Variants in CFTR observed in about 807,000 individuals in gnomAD.
CFTR encodes cystic fibrosis transmembrane conductance regulator.
CFTR carries 181 observed loss-of-function variants against 171.6 expected under a neutral mutation model. That is an observed-to-expected ratio of 1.05 (90% CI 0.93 to 1.19). CFTR has a LOEUF of 1.19. CFTR is among the 50% of genes most tolerant of loss of function. The probability of loss-of-function intolerance (pLI) is 0.00; values close to 1 mark genes in which losing one functional copy is unlikely to be tolerated. For missense variants in CFTR, 1,968 were observed against 1,734.7 expected (o/e 1.13, Z -2.39); for synonymous variants, 583 against 608.0 (o/e 0.96, Z 0.60).
rs1792008735 is a variant in CFTR at position 117,590,429 on chromosome 7, A to G, written c.1756A>G (p.Ile586Val). Reference protein sequence around the residue: ...GYLDVLTEKEIFESCVCKLMA... With the variant: ...GYLDVLTEKEVFESCVCKLMA... ...CCTAGATGTTTTAACAGAAAAAGAA[A>G]TATTTGAAAGGTATGTTCTTTGAAT... The change falls in exon 13 of 27, where the codon ATA becomes GTA. Residue 586 changes from isoleucine to valine, a missense_variant. Transcript: ENST00000003084. The G allele has an allele frequency of 6.2e-7, 1 of 1,601,820 alleles. No individual in the cohort carries two copies. Among genetic ancestry groups the G allele is most frequent in the Non-Finnish European group, 8.5e-7 (1 of 1,171,390 alleles).
chr7:117,627,697 T>G lies in CFTR; in HGVS notation c.3644T>G (p.Leu1215Arg). ...PSGGQMTVKD[L>R]TAKYTEGGNA... ...GGGGGCCAAATGACTGTCAAAGATC[T>G]CACAGCAAAATACACAGAAGGTGGA... The change falls in exon 22 of 27, where the codon CTC (leucine) becomes CGC (arginine). Residue 1215 changes from leucine (L) to arginine (R), a missense_variant. Coordinates refer to ENST00000003084, the MANE Select transcript of CFTR (RefSeq NM_000492.4). 1 of 1,613,308 alleles carries G rather than the reference T, an allele frequency of 6.2e-7. No individual in the cohort carries two copies. The highest frequency in any genetic ancestry group is 8.5e-7 in the Non-Finnish European group (1 of 1,179,538).
At chr7:117,507,710 G>A (rs1798443660) in intron 2 of CFTR, among the ~76,000 whole-genome samples, 1 of 152,176 alleles carries the variant, frequency 6.6e-6, no homozygotes, top group African/African-American at 2.4e-5. Flanking sequence ...AGCTTCTAGG[G>A]GATGCCAAGA....
In CFTR at chr7:117,611,758, T is replaced by C. The variant is rs770731635; in HGVS notation, c.3317T>C (p.Ile1106Thr). Reference sequence around the variant, plus strand: ...TGGTTCCAAATGAGAATAGAAATGATTTTTGTCATCTTCTTCATTGCTGTT... The same window carrying C: ...TGGTTCCAAATGAGAATAGAAATGACTTTTGTCATCTTCTTCATTGCTGTT... ...LRWFQMRIEMIFVIFFIAVTF... is the reference protein window; with the variant it reads ...LRWFQMRIEMTFVIFFIAVTF... The change falls in exon 20 of 27, where the codon ATT becomes ACT. Residue 1106 changes from isoleucine to threonine, a missense_variant. Coordinates refer to ENST00000003084, the MANE Select transcript of CFTR (RefSeq NM_000492.4). 1.2e-6 allele frequency: 2 copies of C among 1,612,668 alleles called. No individual in the cohort carries two copies. The highest frequency in any genetic ancestry group is 1.1e-5 in the South Asian group (1 of 91,058).
chr7:117,614,707 T>G lies in CFTR; in HGVS notation c.3462T>G (p.Asp1154Glu). The G allele has an allele frequency of 6.2e-7, 1 of 1,607,410 alleles. No homozygotes were observed. Among genetic ancestry groups the G allele is most frequent in the South Asian group, 1.1e-5 (1 of 90,952 alleles). The change falls in exon 21 of 27, where the codon GAT becomes GAG. Residue 1154 changes from aspartate (D) to glutamate (E), a missense_variant. Asp to Glu is a conservative substitution (Grantham distance 45, BLOSUM62 2). Coordinates refer to ENST00000003084, the MANE Select transcript of CFTR (RefSeq NM_000492.4). ...CTGTAAACTCCAGCATAGATGTGGA[T>G]AGCTTGGTAAGTCTTATCATCTTTT... ...QWAVNSSIDVDSLMRSVSRVF... is the reference protein window; with the variant it reads ...QWAVNSSIDVESLMRSVSRVF...
At chr7:117,636,209 G>C (rs1415029802) in intron 22 of CFTR, among the ~76,000 whole-genome samples, 1 of 152,072 alleles carries the variant, frequency 6.6e-6, no homozygotes, top group African/African-American at 2.4e-5. Context: ...TGCTTGCATT[G>C]TTTCTGAGAA....
chr7:117,554,620 T>G (rs1799320961), intron 10 of CFTR, among the ~76,000 whole-genome samples: 1 of 151,872 alleles, frequency 6.6e-6, no homozygotes, highest in South Asian at 2.1e-4. Context: ...GAAAGGGGTG[T>G]AGGGGTTAGC....
intron 11 of CFTR, among the ~76,000 whole-genome samples, chr7:117,582,031 C>T (rs1017534415): frequency 1.3e-5 from 2 of 152,158 alleles, no homozygotes; most frequent in Non-Finnish European, 2.9e-5. Flanking sequence ...GCCAGTATCA[C>T]AGGCTTGAGC....
intron 23 of CFTR, among the ~76,000 whole-genome samples, 158 bp downstream of exon 23, chr7:117,642,751 A>G (rs1051634707): frequency 2.0e-5 from 3 of 152,198 alleles, no homozygotes; most frequent in African/African-American, 7.2e-5. Context: ...GGCAGAAAAG[A>G]TGTCTCTAAA....
chr7:117,564,431 C>A (rs1018761978), intron 11 of CFTR: 1 of 152,476 alleles, frequency 6.6e-6, no homozygotes, highest in Non-Finnish European at 1.5e-5. Context: ...GAATTCAATA[C>A]AGTATAATGT....
chr7:117,509,531 T>G lies in CFTR; in HGVS notation c.273+389T>G, dbSNP rs35674779. Among the ~76,000 whole-genome samples, 214 of 152,294 alleles carry G rather than the reference T, an allele frequency of 1.4e-3. 4 individuals carry two copies. In the East Asian group the frequency reaches 0.038, roughly 27 times the overall value. On this transcript the variant is annotated intron_variant, in intron 3 of 26. Coordinates refer to ENST00000003084, the MANE Select transcript of CFTR (RefSeq NM_000492.4). ...GGTCAAATGCAGCTAATTACATATA[T>G]GAATGTTTGTAATATTTTGAAATCA...
Position 117,611,600 on chromosome 7 carries a change from T to C in CFTR, c.3159T>C (p.Thr1053=), listed in dbSNP as rs1792386675. The change falls in exon 20 of 27, where the codon ACT becomes ACC. Residue 1053 remains threonine, a synonymous_variant. Transcript: ENST00000003084. ...LESEGRSPIF[T]HLVTSLKGLW... ...TCACAGGCAGGAGTCCAATTTTCAC[T>C]CATCTTGTTACAAGCTTAAAAGGAC... is the stretch of plus-strand genomic sequence containing the variant. 1 of 1,610,984 alleles carries C rather than the reference T, an allele frequency of 6.2e-7. No homozygotes were observed.
chr7:117,597,414 A>G (rs1404990500), intron 15 of CFTR, among the ~76,000 whole-genome samples: 2 of 152,192 alleles, frequency 1.3e-5, no homozygotes, highest in African/African-American at 2.4e-5. Flanking sequence ...TGGATGTCCA[A>G]CCCTGTGGTT....
chr7:117,599,581 G>A (rs1792191084), intron 15 of CFTR, among the ~76,000 whole-genome samples: 1 of 151,970 alleles, frequency 6.6e-6, no homozygotes, highest in Non-Finnish European at 1.5e-5. Context: ...GCCCTTTTCT[G>A]GAAAAGAAAT....
At chr7:117,538,213 G>A (rs758121495) in intron 7 of CFTR, among the ~76,000 whole-genome samples, 5 of 152,182 alleles carry the variant, frequency 3.3e-5, no homozygotes, top group Non-Finnish European at 7.3e-5. Flanking sequence ...TGTTCTGGAA[G>A]AGATTGGCAG....
chr7:117,583,717 A>G (rs1315848855), intron 11 of CFTR, among the ~76,000 whole-genome samples: 1 of 151,888 alleles, frequency 6.6e-6, no homozygotes, highest in African/African-American at 2.4e-5. Flanking sequence ...ATCGAATGGT[A>G]GTTCTCCTTT....
intron 21 of CFTR, among the ~76,000 whole-genome samples, chr7:117,615,151 T>C (rs1792466097): frequency 6.6e-6 from 1 of 152,116 alleles, no homozygotes; most frequent in African/African-American, 2.4e-5. Context: ...ACTAAAAATA[T>C]AGGGAAGCTG....
At chr7:117,483,992 T>C (rs1798035941) in intron 1 of CFTR, among the ~76,000 whole-genome samples, 1 of 152,210 alleles carries the variant, frequency 6.6e-6, no homozygotes, top group Non-Finnish European at 1.5e-5. Flanking sequence ...CCACACTTAT[T>C]TGGTTATATA....
chr7:117,516,830 G>A (rs1410605080), intron 3 of CFTR, among the ~76,000 whole-genome samples: 1 of 152,108 alleles, frequency 6.6e-6, no homozygotes, highest in Non-Finnish European at 1.5e-5. Context: ...CACTCTTTAA[G>A]TTATCAAATC....
chr7:117,542,840 G>T (rs1038791509), intron 9 of CFTR, among the ~76,000 whole-genome samples: 1 of 151,984 alleles, frequency 6.6e-6, no homozygotes, highest in Non-Finnish European at 1.5e-5. Context: ...AGAGAATTTA[G>T]GTAAAACATT....
Sources: gnomAD v4.1 joint callset for allele counts (sites outside exome capture counted in the v4.1 genomes callset) on GRCh38, gnomAD v4.1.1 for gene constraint, MANE v1.5 for transcripts, NCBI Gene and HGNC (gene_info 2026-07-23, HGNC 2026-07-21) for gene names.